The following STAM variants were observed in gnomAD, a reference collection of about 807,000 sequenced individuals.
The protein encoded by STAM is signal transducing adaptor molecule.
A neutral mutation model predicts 63.4 loss-of-function variants in STAM; 16 were observed. That is an observed-to-expected ratio of 0.25 (90% CI 0.17 to 0.38). The LOEUF (loss-of-function observed/expected upper bound fraction) is 0.38. Ranked by LOEUF, STAM falls within the 10% of genes least tolerant of loss-of-function variation. The pLI is 1.00. For missense variants in STAM, 636 were observed against 657.1 expected (o/e 0.97, Z 0.35); for synonymous variants, 238 against 223.9 (o/e 1.06, Z -0.56).
chr10:17,694,983 T>A, intron 6 of STAM, 66 bp from the exon 7 acceptor site: 1 of 1,468,426 alleles, frequency 6.8e-7, no homozygotes. Context: ...TTGATGTCTT[T>A]TTCTACTTCT....
intron 1 of STAM, among the ~76,000 whole-genome samples, chr10:17,658,254 C>T (rs1454501069): frequency 1.3e-5 from 2 of 151,652 alleles, no homozygotes; most frequent in Non-Finnish European, 2.9e-5. Context: ...TGGGATTTTC[C>T]AGCTATCTTT....
At chr10:17,703,672 T>C (rs1056755145) in intron 9 of STAM, among the ~76,000 whole-genome samples, 2 of 152,226 alleles carry the variant, frequency 1.3e-5, no homozygotes, top group African/African-American at 2.4e-5. Context: ...CAACAAAAGA[T>C]TCTGAAATAG....
intron 1 of STAM, among the ~76,000 whole-genome samples, chr10:17,659,796 G>T (rs1325056852): frequency 6.6e-6 from 1 of 152,002 alleles, no homozygotes; most frequent in Non-Finnish European, 1.5e-5. Context: ...GTAGATACAA[G>T]TTTCTGACTT....
chr10:17,655,529 C>G (rs1833903782), intron 1 of STAM, among the ~76,000 whole-genome samples: 1 of 152,124 alleles, frequency 6.6e-6, no homozygotes, highest in Admixed American at 6.5e-5. Flanking sequence ...TGATATATAG[C>G]AGGTATTATA....
Position 17,674,275 on chromosome 10 carries a change from C to T in STAM, c.126-10400C>T, listed in dbSNP as rs1238375436. ...AGGCTGTTCTAGTTATCTCTTACTACACAACTCTTAGTAGTAACTGTCCTA... is the reference window on the plus strand; with the variant it reads ...AGGCTGTTCTAGTTATCTCTTACTATACAACTCTTAGTAGTAACTGTCCTA... On this transcript the variant is annotated intron_variant, in intron 2 of 13. Coordinates refer to ENST00000377524, the MANE Select transcript of STAM (RefSeq NM_003473.4). Among the ~76,000 whole-genome samples, 3 of 152,202 alleles carry T rather than the reference C, an allele frequency of 2.0e-5. No homozygotes were observed. In the East Asian group the frequency reaches 5.8e-4, roughly 29 times the overall value.
chr10:17,678,336 C>G lies in STAM; in HGVS notation c.126-6339C>G, dbSNP rs920578985. ...GCGGCACAATCTCAGTTCACTGTAACCTGCACCTCCCAGGTTCAAGCGATT... is the reference window on the plus strand; with the variant it reads ...GCGGCACAATCTCAGTTCACTGTAAGCTGCACCTCCCAGGTTCAAGCGATT... On this transcript the variant is annotated intron_variant, in intron 2 of 13. Coordinates refer to ENST00000377524, the MANE Select transcript of STAM (RefSeq NM_003473.4). 3.4e-4 allele frequency among the ~76,000 whole-genome samples: 52 copies of G among 151,766 alleles called. 1 individual carries two copies. The highest frequency in any genetic ancestry group is 3.3e-3 in the Admixed American group (50 of 15,188).
Position 17,705,685 on chromosome 10 carries a change from G to C in STAM, c.1153G>C (p.Ala385Pro). Residue 385 changes from alanine to proline, a missense_variant, in exon 12 of 14, where the codon GCA becomes CCA. Transcript: ENST00000377524. Reference sequence around the variant, plus strand: ...CGAAGATCCGATGTATTCCATGTATGCAAAGTTACAGAATCAGCCATATTA... The same window carrying C: ...CGAAGATCCGATGTATTCCATGTATCCAAAGTTACAGAATCAGCCATATTA... Reference protein sequence around the residue: ...MNEDPMYSMYAKLQNQPYYMQ... With the variant: ...MNEDPMYSMYPKLQNQPYYMQ... 6.2e-7 allele frequency: 1 copy of C among 1,613,930 alleles called. No homozygotes were observed. Among genetic ancestry groups the C allele is most frequent in the Non-Finnish European group, 8.5e-7 (1 of 1,179,942 alleles).
intron 1 of STAM, among the ~76,000 whole-genome samples, chr10:17,659,936 T>C (rs1377635856): frequency 6.6e-6 from 1 of 152,178 alleles, no homozygotes; most frequent in Non-Finnish European, 1.5e-5. Flanking sequence ...AATAATTTCT[T>C]AGGATAAACA....
In STAM at chr10:17,681,060, G is replaced by A. The variant is rs60772107; in HGVS notation, c.126-3615G>A. On this transcript the variant is annotated intron_variant, in intron 2 of 13. Transcript: ENST00000377524. ...AGGAACCAGTATACTGTTTTACACAGCACCTGTAGCGTTTTACATTCCCAC... is the reference window on the plus strand; with the variant it reads ...AGGAACCAGTATACTGTTTTACACAACACCTGTAGCGTTTTACATTCCCAC... Among the ~76,000 whole-genome samples, 1,192 of 152,218 alleles carry A rather than the reference G, an allele frequency of 7.8e-3. 12 individuals carry two copies. Among genetic ancestry groups the A allele is most frequent in the African/African-American group, 0.027 (1,128 of 41,538 alleles).
chr10:17,649,409 A>G (rs1183159077), intron 1 of STAM, among the ~76,000 whole-genome samples: 2 of 145,268 alleles, frequency 1.4e-5, no homozygotes, highest in South Asian at 2.2e-4. Flanking sequence ...AAAAAAAAAA[A>G]GAATTAAAAA....
intron 2 of STAM, among the ~76,000 whole-genome samples, chr10:17,676,202 T>C (rs1554824638): frequency 6.6e-6 from 1 of 152,164 alleles, no homozygotes; most frequent in East Asian, 1.9e-4. Context: ...ACGACTTAAT[T>C]TTCATTTACT....
chr10:17,656,292 T>TCAAAAA (rs1554822139), intron 1 of STAM, among the ~76,000 whole-genome samples: 2 of 134,432 alleles, frequency 1.5e-5, no homozygotes, highest in African/African-American at 2.9e-5. Flanking sequence ...AGACTCCGTC[T>TCAAAAA]TAAAAAAAAA....
At chr10:17,709,867 A>C (rs1836477397) in intron 13 of STAM, among the ~76,000 whole-genome samples, 1 of 149,428 alleles carries the variant, frequency 6.7e-6, no homozygotes, top group African/African-American at 2.5e-5. Context: ...AGTGACCTTA[A>C]GGGGGATGAT....
intron 8 of STAM, among the ~76,000 whole-genome samples, chr10:17,697,965 A>G (rs1161386665): frequency 6.6e-6 from 1 of 152,126 alleles, no homozygotes; most frequent in Admixed American, 6.5e-5. Context: ...TCATCTTTTT[A>G]TTTCCAGCAG....
rs1223509007 is a variant in STAM at position 17,659,463 on chromosome 10, CTTTT to C, written c.41-982_41-979del. On this transcript the variant is annotated intron_variant, in intron 1 of 13. Transcript: ENST00000377524. ...GGTATTCCATCTTTATTCTCTTCCT[CTTTT>C]TTTTTTTTTTTTTTTTTTAAAGAGA... 6.2e-4 allele frequency among the ~76,000 whole-genome samples: 67 copies of C among 107,524 alleles called. 1 individual carries two copies. The highest frequency in any genetic ancestry group is 2.3e-3 in the African/African-American group (63 of 27,438). The allele number at this position is 107,524 out of a possible 152,430, so 70.5% of individuals were successfully genotyped here.
intron 2 of STAM, among the ~76,000 whole-genome samples, chr10:17,681,815 G>A (rs201034753): frequency 6.6e-6 from 1 of 152,170 alleles, no homozygotes; most frequent in African/African-American, 2.4e-5. Context: ...AGTAAATGGA[G>A]GACTTGGTTT....
At chr10:17,674,793 A>T (rs1378871488) in intron 2 of STAM, among the ~76,000 whole-genome samples, 1 of 152,210 alleles carries the variant, frequency 6.6e-6, no homozygotes, top group African/African-American at 2.4e-5. Flanking sequence ...TGGAATACAT[A>T]ATTTGCCTGA....
In STAM at chr10:17,644,377, T is replaced by C. The variant is rs1554820529; in HGVS notation, c.38T>C (p.Val13Ala). The C allele has an allele frequency of 1.2e-6, 2 of 1,613,990 alleles. No homozygotes were observed. The highest frequency in any genetic ancestry group is 1.7e-6 in the Non-Finnish European group (2 of 1,179,968). ...GCCACCAATCCCTTCGATCAGGATG[T>C]TGGTAAGTGTTTTTGCCTCTCCCTG... ...LFATNPFDQD[V>A]EKATSEMNTA... is the part of the protein sequence containing the mutation. The change falls in exon 1 of 14, where the codon GTT (valine) becomes GCT (alanine). Residue 13 changes from valine to alanine, a missense_variant and splice_region_variant. Physicochemically the swap from Val to Ala is moderately conservative, Grantham distance 64 (BLOSUM62 0). Transcript: ENST00000377524.
At chr10:17,676,199 A>C (rs1554824636) in intron 2 of STAM, among the ~76,000 whole-genome samples, 1 of 152,192 alleles carries the variant, frequency 6.6e-6, no homozygotes, top group East Asian at 1.9e-4. Context: ...TTCACGACTT[A>C]ATTTTCATTT....
Sources: gnomAD v4.1 joint callset for allele counts (sites outside exome capture counted in the v4.1 genomes callset) on GRCh38, gnomAD v4.1.1 for gene constraint, MANE v1.5 for transcripts, NCBI Gene and HGNC (gene_info 2026-07-23, HGNC 2026-07-21) for gene names.